Variants in PSMB2 observed in about 807,000 individuals in gnomAD.
PSMB2 encodes proteasome subunit beta type-2.
Under a neutral mutation model 25.7 loss-of-function variants are expected in PSMB2, and 13 were observed. That is an observed-to-expected ratio of 0.51 (90% CI 0.33 to 0.80). PSMB2 has a LOEUF of 0.80. PSMB2 is among the 30% of genes least tolerant of loss of function. The probability of loss-of-function intolerance (pLI) is 0.02; values close to 1 mark genes in which losing one functional copy is unlikely to be tolerated. For synonymous variants in PSMB2, 87 were observed against 96.2 expected, an observed-to-expected ratio of 0.90 and a Z score of 0.56; for missense variants, 202 against 259.0, an observed-to-expected ratio of 0.78 and a Z score of 1.51.
At position 35,641,515 on chromosome 1, in the gene PSMB2, A is replaced by G. The variant is rs536726140; in HGVS notation, c.-83T>C. On this transcript the variant is annotated 5_prime_UTR_variant, in exon 1 of 6. Coordinates refer to ENST00000373237, the MANE Select transcript of PSMB2 (RefSeq NM_002794.5). ...GGTCTCACCGGTGAGACAGCACCTC[A>G]GAGCGAAGATTGGCGCGACGCCTGC... 4.4e-6 allele frequency: 7 copies of G among 1,587,296 alleles called. No individual in the cohort carries two copies. The African/African-American group carries it at 5.4e-5, about 12-fold the overall frequency.
At chr1:35,619,016 A>G (rs1650594882) in intron 3 of PSMB2, among the ~76,000 whole-genome samples, 1 of 152,212 alleles carries the variant, frequency 6.6e-6, no homozygotes, top group Non-Finnish European at 1.5e-5. Context: ...ACCAAGACAA[A>G]ATAAAAGAAA....
intron 2 of PSMB2, among the ~76,000 whole-genome samples, chr1:35,632,635 T>C (rs1395972444): frequency 6.6e-6 from 1 of 152,212 alleles, no homozygotes; most frequent in East Asian, 1.9e-4. Flanking sequence ...GGCTCATGCC[T>C]GTAATCACAG....
At position 35,603,258 on chromosome 1, in the gene PSMB2, G is replaced by C. The variant is rs757002246; in HGVS notation, c.*9C>G. On this transcript the variant is annotated 3_prime_UTR_variant, in exon 6 of 6. Coordinates refer to ENST00000373237, the MANE Select transcript of PSMB2 (RefSeq NM_002794.5). Reference sequence around the variant, plus strand: ...AAGTTCCCTGGCAAGTGGGAGGGAGGACATGATGTTAGGAGCCCTGTTTGG... The same window carrying C: ...AAGTTCCCTGGCAAGTGGGAGGGAGCACATGATGTTAGGAGCCCTGTTTGG... The C allele has an allele frequency of 5.0e-6, 8 of 1,613,368 alleles. No individual in the cohort carries two copies. The highest frequency in any genetic ancestry group is 3.3e-5 in the Admixed American group (2 of 59,788).
chr1:35,634,162 G>A (rs927172498), intron 2 of PSMB2, among the ~76,000 whole-genome samples: 1 of 152,194 alleles, frequency 6.6e-6, no homozygotes, highest in Non-Finnish European at 1.5e-5. Context: ...ACCTACCAGA[G>A]AGTAAGGCAG....
chr1:35,622,264 T>G (rs75087744), intron 3 of PSMB2, among the ~76,000 whole-genome samples: 2,804 of 152,166 alleles, frequency 0.018, 32 homozygotes, highest in Non-Finnish European at 0.029. Flanking sequence ...TGCCAGGATA[T>G]TGTGTGTGTT....
intron 1 of PSMB2, among the ~76,000 whole-genome samples, chr1:35,640,655 G>T (rs6703222): frequency 2.1e-4 from 31 of 148,302 alleles, no homozygotes; most frequent in African/African-American, 7.5e-4. Flanking sequence ...GAGATTCGGG[G>T]ATCTAGAGAG....
chr1:35,636,242 G>C (rs924350279), intron 2 of PSMB2, 68 bp downstream of exon 2: 2 of 1,578,438 alleles, frequency 1.3e-6, no homozygotes, highest in African/African-American at 2.7e-5. Context: ...AAGCCACCCA[G>C]TCTGTGACTT....
In PSMB2 at chr1:35,600,217, G is replaced by A. The variant is rs1163396696; in HGVS notation, c.*3050C>T. ...AGAAATGCCAGAACTTGGTGGCCAT[G>A]TAGAGACAGGAGATAAAGAATGGCA... On this transcript the variant is annotated 3_prime_UTR_variant, in exon 6 of 6. Coordinates refer to ENST00000373237, the MANE Select transcript of PSMB2 (RefSeq NM_002794.5). 2 of 985,290 alleles carry A rather than the reference G, an allele frequency of 2.0e-6. No homozygotes were observed. The highest frequency in any genetic ancestry group is 2.4e-6 in the Non-Finnish European group (2 of 829,894). The allele number at this position is 985,290 out of a possible 1,614,324, so 61.0% of individuals were successfully genotyped here.
chr1:35,628,261 A>C (rs1346433934), intron 3 of PSMB2, among the ~76,000 whole-genome samples: 1 of 152,082 alleles, frequency 6.6e-6, no homozygotes, highest in African/African-American at 2.4e-5. Context: ...AAGACATCAA[A>C]CATTTCTGCT....
chr1:35,613,327 T>G (rs1650393012), intron 3 of PSMB2, among the ~76,000 whole-genome samples: 1 of 151,226 alleles, frequency 6.6e-6, no homozygotes, highest in African/African-American at 2.4e-5. Flanking sequence ...TGCTTGAGCC[T>G]AGGAGTTCAA....
At chr1:35,639,006 C>A (rs892335948) in intron 1 of PSMB2, among the ~76,000 whole-genome samples, 1 of 152,100 alleles carries the variant, frequency 6.6e-6, no homozygotes, top group Non-Finnish European at 1.5e-5. Context: ...GTAATCCCAG[C>A]ACTTTGGGAG....
chr1:35,609,787 T>C (rs557531543), intron 3 of PSMB2, among the ~76,000 whole-genome samples: 2 of 152,320 alleles, frequency 1.3e-5, no homozygotes, highest in Admixed American at 6.5e-5. Context: ...AAGAGTATAA[T>C]TGGGTTGTCT....
At chr1:35,605,606 C>T (rs1650142889) in intron 4 of PSMB2, among the ~76,000 whole-genome samples, 1 of 152,252 alleles carries the variant, frequency 6.6e-6, no homozygotes, top group Admixed American at 6.5e-5. Context: ...TCATAACCCA[C>T]CCCTTTCACT....
At position 35,599,585 on chromosome 1, in the gene PSMB2, A is replaced by C; in HGVS notation, c.*3682T>G. The C allele has an allele frequency of 3.0e-6, 3 of 985,052 alleles. No homozygotes were observed. Among genetic ancestry groups the C allele is most frequent in the Non-Finnish European group, 3.6e-6 (3 of 829,606 alleles). The allele number at this position is 985,052 out of a possible 1,614,324, so 61.0% of individuals were successfully genotyped here. ...TTATGAGGTGTAAAGGAGGGAAAGG[A>C]AGTGGGGAGTTAGGTTCGGAGAGGA... On this transcript the variant is annotated 3_prime_UTR_variant, in exon 6 of 6. Transcript: ENST00000373237.
Position 35,600,399 on chromosome 1 carries a change from C to T in PSMB2, c.*2868G>A. The T allele has an allele frequency of 1.1e-5, 9 of 810,214 alleles. No individual in the cohort carries two copies. Among genetic ancestry groups the T allele is most frequent in the Non-Finnish European group, 1.3e-5 (9 of 670,352 alleles). The allele number at this position is 810,214 out of a possible 1,614,324, so 50.2% of individuals were successfully genotyped here. ...TGGTTTCTCAGTTTTGACAAACATA[C>T]TGTGGTATATAGAAGATGTTAACAT... On this transcript the variant is annotated 3_prime_UTR_variant, in exon 6 of 6. Transcript: ENST00000373237.
intron 3 of PSMB2, among the ~76,000 whole-genome samples, chr1:35,611,367 G>A (rs950225195): frequency 6.6e-6 from 1 of 152,114 alleles, no homozygotes; most frequent in African/African-American, 2.4e-5. Context: ...GGGAGTAACA[G>A]GCTTTTGTTC....
chr1:35,616,784 C>T (rs924569949), intron 3 of PSMB2, among the ~76,000 whole-genome samples: 1 of 152,026 alleles, frequency 6.6e-6, no homozygotes, highest in African/African-American at 2.4e-5. Flanking sequence ...ACTTTGTTTG[C>T]CATAACTAAA....
At chr1:35,624,819 T>C (rs1408540807) in intron 3 of PSMB2, among the ~76,000 whole-genome samples, 1 of 151,304 alleles carries the variant, frequency 6.6e-6, no homozygotes, top group Non-Finnish European at 1.5e-5. Flanking sequence ...TCCCAGCACT[T>C]TGGGAGGCCG....
intron 3 of PSMB2, among the ~76,000 whole-genome samples, chr1:35,617,691 C>T (rs544215080): frequency 1.3e-5 from 2 of 152,080 alleles, no homozygotes; most frequent in Non-Finnish European, 2.9e-5. Context: ...AAACAGTATA[C>T]GTGAAGACAA....
Sources: gnomAD v4.1 joint callset for allele counts (sites outside exome capture counted in the v4.1 genomes callset) on GRCh38, gnomAD v4.1.1 for gene constraint, MANE v1.5 for transcripts, NCBI Gene and HGNC (gene_info 2026-07-23, HGNC 2026-07-21) for gene names.